TADA1: variants seen among roughly 807,000 people sequenced by gnomAD.
TADA1 encodes transcriptional adaptor 1.
TADA1 carries 23 observed loss-of-function variants against 39.3 expected under a neutral mutation model. The observed-to-expected ratio is 0.58, with a 90% confidence interval of 0.42 to 0.83. The LOEUF is 0.83. Among genes scored for constraint, TADA1 ranks in the 40% least tolerant of loss-of-function variants. TADA1 has a pLI of 0.00. For synonymous variants in TADA1, 137 were observed against 151.8 expected, an observed-to-expected ratio of 0.90 and a Z score of 0.72; for missense variants, 352 against 408.1, an observed-to-expected ratio of 0.86 and a Z score of 1.18.
intron 4 of TADA1, 29 bp downstream of exon 4, chr1:166,863,795 T>A: frequency 1.3e-6 from 2 of 1,599,532 alleles, no homozygotes; most frequent in Non-Finnish European, 1.7e-6. Context: ...CAATCAGTCA[T>A]TATCAAGACC....
intron 3 of TADA1, among the ~76,000 whole-genome samples, chr1:166,865,394 T>C (rs1179964940): frequency 6.6e-6 from 1 of 151,932 alleles, no homozygotes; most frequent in Non-Finnish European, 1.5e-5. Context: ...GGAATAGGTC[T>C]AGGGGTGGGA....
chr1:166,873,273 AATAAATAAATAAATGC>A (rs1481058619), intron 1 of TADA1, among the ~76,000 whole-genome samples: 1 of 152,188 alleles, frequency 6.6e-6, no homozygotes, highest in African/African-American at 2.4e-5. Flanking sequence ...TCTCTCTCAA[AATAAATAAATAAATGC>A]ATAAATAAAT....
rs1293790480 is a variant in TADA1 at position 166,858,160 on chromosome 1, AAGATGCAGGT to A, written c.804_813del (p.Pro269CysfsTer4). On this transcript the variant is annotated frameshift_variant, in exon 7 of 8. Transcript: ENST00000367874. LOFTEE classifies it high-confidence loss of function. ...AGATCGTACATGTTCACCGGAGGCA[AAGATGCAGGT>A]AGAGTGTCTCCGGAGCATGCCAGCA... is the stretch of plus-strand genomic sequence containing the variant. The A allele has an allele frequency of 6.2e-7, 1 of 1,614,198 alleles. No homozygotes were observed.
At chr1:166,866,750 A>AT (rs140146592) in intron 3 of TADA1, among the ~76,000 whole-genome samples, 25,311 of 146,766 alleles carry the variant, frequency 0.17, 2,725 homozygotes, top group East Asian at 0.54. Flanking sequence ...TTTTATTTTT[A>AT]TTTTTTTTTT....
intron 1 of TADA1, among the ~76,000 whole-genome samples, chr1:166,870,727 G>GA (rs1658639216): frequency 6.6e-6 from 1 of 152,152 alleles, no homozygotes; most frequent in Non-Finnish European, 1.5e-5. Context: ...TACCTGGGAG[G>GA]CTGAAGTGGA....
chr1:166,864,192 C>T (rs1464492112), intron 3 of TADA1, among the ~76,000 whole-genome samples: 1 of 151,884 alleles, frequency 6.6e-6, no homozygotes, highest in Non-Finnish European at 1.5e-5. Flanking sequence ...TGTTTATTAG[C>T]AGTAGTATTA....
At chr1:166,861,890 A>T (rs1361872031) in intron 5 of TADA1, among the ~76,000 whole-genome samples, 1 of 151,608 alleles carries the variant, frequency 6.6e-6, no homozygotes, top group Non-Finnish European at 1.5e-5. Context: ...CCCCATCCCT[A>T]AAAAATTTTT....
chr1:166,861,396 T>G, intron 5 of TADA1, among the ~76,000 whole-genome samples: 1 of 152,196 alleles, frequency 6.6e-6, no homozygotes, highest in East Asian at 1.9e-4. Context: ...ATGAAGAAAA[T>G]AGGGCTCAGA....
At chr1:166,870,791 T>C (rs1658642468) in intron 1 of TADA1, among the ~76,000 whole-genome samples, 2 of 152,142 alleles carry the variant, frequency 1.3e-5, no homozygotes, top group Non-Finnish European at 2.9e-5. Context: ...ATCACACCAC[T>C]ACACTCCAGC....
chr1:166,868,201 T>C (rs192838341), intron 3 of TADA1, among the ~76,000 whole-genome samples: 1 of 152,350 alleles, frequency 6.6e-6, no homozygotes, highest in East Asian at 1.9e-4. Context: ...TGTTTTTGAC[T>C]GATTAAAATA....
Position 166,869,379 on chromosome 1 carries a change from T to C in TADA1, c.232+66A>G. The C allele has an allele frequency of 2.2e-6, 3 of 1,360,666 alleles. No homozygotes were observed. The South Asian group carries it at 3.7e-5, about 17-fold the overall frequency. The allele number at this position is 1,360,666 out of a possible 1,614,324, so 84.3% of individuals were successfully genotyped here. A position where few individuals can be genotyped will look rare whatever the true frequency, so the allele number is the denominator to read the frequency against. ...GCTTTACAAACACTAGCTGTGTCTATTAGAGAAAGCTAAAGTCTAGTGCTT... is the reference window on the plus strand; with the variant it reads ...GCTTTACAAACACTAGCTGTGTCTACTAGAGAAAGCTAAAGTCTAGTGCTT... On this transcript the variant is annotated intron_variant, in intron 3 of 7. Coordinates refer to ENST00000367874, the MANE Select transcript of TADA1 (RefSeq NM_053053.4).
chr1:166,860,278 T>TCGTAAC lies in TADA1; in HGVS notation c.594_599dup (p.Leu199_Arg200dup). On this transcript the variant is annotated inframe_insertion, in exon 6 of 8. Coordinates refer to ENST00000367874, the MANE Select transcript of TADA1 (RefSeq NM_053053.4). Reference sequence around the variant, plus strand: ...CAAAGGCATATTTAAAATGACCATCTCGTAACCGATAAGCTTTCCTTCTTG... The same window carrying TCGTAAC: ...CAAAGGCATATTTAAAATGACCATCTCGTAACCGTAACCGATAAGCTTTCCTTCTTG... 6.2e-7 allele frequency: 1 copy of TCGTAAC among 1,614,088 alleles called. No homozygotes were observed. Among genetic ancestry groups the TCGTAAC allele is most frequent in the Admixed American group, 1.7e-5 (1 of 60,008 alleles).
intron 4 of TADA1, among the ~76,000 whole-genome samples, chr1:166,863,539 C>A (rs1398970027): frequency 6.6e-6 from 1 of 152,162 alleles, no homozygotes; most frequent in African/African-American, 2.4e-5. Context: ...AAACATTATT[C>A]ATTCAAGAAA....
At chr1:166,862,456 A>G in intron 4 of TADA1, 44 bp from the exon 5 acceptor site, 1 of 1,503,040 alleles carries the variant, frequency 6.7e-7, no homozygotes, top group Non-Finnish European at 9.2e-7. Flanking sequence ...TTACAGTAGC[A>G]AACAAGACAC....
At chr1:166,869,418 A>C (rs751294747) in intron 3 of TADA1, 27 bp downstream of exon 3, 1 of 1,588,792 alleles carries the variant, frequency 6.3e-7, no homozygotes, top group Admixed American at 1.7e-5. Context: ...TGACTTACAC[A>C]CACTGGAAGT....
At position 166,858,437 on chromosome 1, in the gene TADA1, T is replaced by C. The variant is rs6691431; in HGVS notation, c.693-156A>G. Reference sequence around the variant, plus strand: ...AGACATGAATAATCTGTAATTTTAATTTTTAAAGGCTGGAAATAAAACATA... The same window carrying C: ...AGACATGAATAATCTGTAATTTTAACTTTTAAAGGCTGGAAATAAAACATA... On this transcript the variant is annotated intron_variant, in intron 6 of 7. Coordinates refer to ENST00000367874, the MANE Select transcript of TADA1 (RefSeq NM_053053.4). Among the ~76,000 whole-genome samples the C allele has an allele frequency of 0.37, 55,539 of 152,126 alleles. 10,254 individuals carry two copies. Among genetic ancestry groups the C allele is most frequent in the Middle Eastern group, 0.5 (147 of 294 alleles).
intron 1 of TADA1, among the ~76,000 whole-genome samples, chr1:166,873,001 A>T (rs957235590): frequency 1.3e-5 from 2 of 152,166 alleles, no homozygotes; most frequent in African/African-American, 4.8e-5. Flanking sequence ...GGACGCAGTG[A>T]CTCACGCTTG....
intron 1 of TADA1, 136 bp downstream of exon 1, chr1:166,876,024 C>A: frequency 3.5e-6 from 3 of 845,350 alleles, no homozygotes; most frequent in South Asian, 2.3e-5. Flanking sequence ...CCGGAGAAAC[C>A]CCGAAGCCCC....
At chr1:166,859,529 A>G (rs1181353373) in intron 6 of TADA1, among the ~76,000 whole-genome samples, 1 of 151,914 alleles carries the variant, frequency 6.6e-6, no homozygotes, top group Non-Finnish European at 1.5e-5. Context: ...ACAAAAGGAG[A>G]TGGAAGGATA....
Sources: allele counts gnomAD v4.1 joint callset (sites outside exome capture counted in the v4.1 genomes callset), GRCh38; gene constraint gnomAD v4.1.1; transcripts MANE v1.5; gene names NCBI Gene and HGNC (gene_info 2026-07-23, HGNC 2026-07-21).